The following TAC4 variants were observed in gnomAD, a reference collection of about 807,000 sequenced individuals.
TAC4 encodes the protein tachykinin precursor 4, also known as tachykinin-4.
Under a neutral mutation model 17.7 loss-of-function variants are expected in TAC4, and 17 were observed. That is an observed-to-expected ratio of 0.96 (90% confidence interval 0.66 to 1.44). The LOEUF (loss-of-function observed/expected upper bound fraction) is 1.44, where lower values mean the gene tolerates loss of function less well. Among genes scored for constraint, TAC4 ranks in the 40% most tolerant of loss-of-function variants. The probability of loss-of-function intolerance (pLI) is 0.00; values close to 1 mark genes in which losing one functional copy is unlikely to be tolerated. For missense variants in TAC4, 118 were observed against 125.6 expected, an observed-to-expected ratio of 0.94 and a Z score of 0.29; for synonymous variants, 62 against 52.4, an observed-to-expected ratio of 1.18 and a Z score of -0.79.
At chr17:49,847,006 C>T in intron 1 of TAC4, 1 of 1,290,148 alleles carries the variant, frequency 7.8e-7, no homozygotes, top group Non-Finnish European at 1.0e-6. Context: ...CTCCTCACTG[C>T]ACACACTTCC....
intron 1 of TAC4, chr17:49,847,698 C>CACACACACACACACAG: frequency 2.4e-6 from 1 of 419,110 alleles, no homozygotes; most frequent in Non-Finnish European, 4.0e-6. Flanking sequence ...CACAGACACA[C>CACACACACACACACAG]ACACACACAC....
intron 1 of TAC4, among the ~76,000 whole-genome samples, chr17:49,844,995 A>G (rs1218481532): frequency 6.6e-6 from 1 of 152,246 alleles, no homozygotes; most frequent in Non-Finnish European, 1.5e-5. Flanking sequence ...AGGCTGAGCC[A>G]AGATTCAAAG....
chr17:49,846,990 T>A (rs1000778850), intron 1 of TAC4: 2 of 1,289,902 alleles, frequency 1.6e-6, no homozygotes, highest in African/African-American at 1.5e-5. Context: ...CTAGCCCTGC[T>A]GCCCTCTCCT....
chr17:49,847,281 T>C lies in TAC4; in HGVS notation c.105+632A>G, dbSNP rs770531887. Reference sequence around the variant, plus strand: ...GGCTTGTTGGTATCTGTCCCTTGTCTGATTAGGGAACGCCTGAGGTCAGGA... The same window carrying C: ...GGCTTGTTGGTATCTGTCCCTTGTCCGATTAGGGAACGCCTGAGGTCAGGA... On this transcript the variant is annotated intron_variant, in intron 1 of 4. Coordinates refer to ENST00000436235, the MANE Select transcript of TAC4 (RefSeq NM_001077506.2). 7.8e-6 allele frequency: 10 copies of C among 1,278,328 alleles called. No individual in the cohort carries two copies. The South Asian group carries it at 8.7e-5, about 11-fold the overall frequency. The allele number at this position is 1,278,328 out of a possible 1,614,324, so 79.2% of individuals were successfully genotyped here. A position where few individuals can be genotyped will look rare whatever the true frequency, so the allele number is the denominator to read the frequency against.
intron 1 of TAC4, chr17:49,847,569 CATG>C: frequency 2.8e-6 from 1 of 351,660 alleles, no homozygotes; most frequent in Admixed American, 4.0e-5. Context: ...GAGGGGTAGT[CATG>C]ATACCTTCCC....
chr17:49,847,503 C>T, intron 1 of TAC4: 1 of 351,946 alleles, frequency 2.8e-6, no homozygotes, highest in South Asian at 2.3e-5. Flanking sequence ...TGAAGCTGTG[C>T]AACCTTGGAC....
chr17:49,844,217 C>T (rs2074519944), intron 1 of TAC4, 60 bp from the exon 2 acceptor site: 11 of 1,536,002 alleles, frequency 7.2e-6, no homozygotes, highest in Admixed American at 3.3e-5. Context: ...GGGAGGCCAG[C>T]CTGGGCAATG....
At chr17:49,846,211 A>T in intron 1 of TAC4, 2 of 1,288,590 alleles carry the variant, frequency 1.6e-6, no homozygotes, top group Non-Finnish European at 2.0e-6. Flanking sequence ...AGGGATGACT[A>T]CAGGTTGGGG....
chr17:49,845,912 T>C (rs2144052436), intron 1 of TAC4: 1 of 202,458 alleles, frequency 4.9e-6, no homozygotes, highest in African/African-American at 2.4e-5. Context: ...GCATCTATCT[T>C]GAGCTGGAGT....
chr17:49,839,798 G>A (rs2074483112), intron 4 of TAC4, 52 bp downstream of exon 4: 1 of 1,554,592 alleles, frequency 6.4e-7, no homozygotes, highest in African/African-American at 1.4e-5. Flanking sequence ...GCAGCAAAGT[G>A]TCTGGCCATT....
Position 49,847,019 on chromosome 17 carries a change from G to A in TAC4, c.105+894C>T, listed in dbSNP as rs1017575141. The A allele has an allele frequency of 4.7e-6, 6 of 1,289,978 alleles. No homozygotes were observed. The African/African-American group carries it at 7.6e-5, about 16-fold the overall frequency. The allele number at this position is 1,289,978 out of a possible 1,614,324, so 79.9% of individuals were successfully genotyped here. On this transcript the variant is annotated intron_variant, in intron 1 of 4. Coordinates refer to ENST00000436235, the MANE Select transcript of TAC4 (RefSeq NM_001077506.2). ...CTCTCCTCACTGCACACACTTCCAG[G>A]TTCAGACAAACCGGAAAGGAAACCC...
At chr17:49,840,223 C>G (rs1407324269) in intron 3 of TAC4, among the ~76,000 whole-genome samples, 2 of 152,192 alleles carry the variant, frequency 1.3e-5, no homozygotes, top group Non-Finnish European at 2.9e-5. Flanking sequence ...GACAGCAGAC[C>G]TGATGCCTGC....
intron 1 of TAC4, chr17:49,847,510 G>A: frequency 8.6e-6 from 3 of 348,628 alleles, no homozygotes; most frequent in Non-Finnish European, 1.7e-5. Flanking sequence ...GTGCAACCTT[G>A]GACAAACTAC....
At chr17:49,847,742 G>T in intron 1 of TAC4, 171 bp downstream of exon 1, 4 of 1,028,702 alleles carry the variant, frequency 3.9e-6, no homozygotes, top group Non-Finnish European at 4.3e-6. Flanking sequence ...AGGTCTGCCA[G>T]GCCAGGGCTC....
rs773389044 is a variant in TAC4 at position 49,848,051 on chromosome 17, C to G, written c.-34G>C. 3 of 1,610,822 alleles carry G rather than the reference C, an allele frequency of 1.9e-6. No individual in the cohort carries two copies. The East Asian group carries it at 6.7e-5, about 36-fold the overall frequency. ...TGCACTGTCCTGGAATCTCTGGGAG[C>G]CCCTCTCAGCTTGAAGATGCCTCCT... On this transcript the variant is annotated 5_prime_UTR_variant, in exon 1 of 5. Transcript: ENST00000436235.
intron 3 of TAC4, among the ~76,000 whole-genome samples, chr17:49,840,312 C>G (rs541655696): frequency 6.6e-6 from 1 of 152,280 alleles, no homozygotes; most frequent in South Asian, 2.1e-4. Context: ...GTGCCAGGAA[C>G]AGGGTCGCAC....
chr17:49,845,348 C>T (rs968934841), intron 1 of TAC4, among the ~76,000 whole-genome samples: 1 of 152,246 alleles, frequency 6.6e-6, no homozygotes, highest in African/African-American at 2.4e-5. Context: ...TTGGCCAAAG[C>T]CTTCTCCCTC....
intron 3 of TAC4, 112 bp from the exon 4 acceptor site, chr17:49,840,021 G>T: frequency 1.1e-6 from 1 of 942,264 alleles, no homozygotes; most frequent in Admixed American, 2.4e-5. Context: ...GCCAGGGCTG[G>T]GGCCTTGCAA....
chr17:49,847,684 C>CACAG (rs1227565761), intron 1 of TAC4: 73 of 507,936 alleles, frequency 1.4e-4, no homozygotes, highest in Non-Finnish European at 1.9e-4. Flanking sequence ...CACACACACA[C>CACAG]ACACACAGAC....
Sources: gnomAD v4.1 joint callset for allele counts (sites outside exome capture counted in the v4.1 genomes callset) on GRCh38, gnomAD v4.1.1 for gene constraint, MANE v1.5 for transcripts, NCBI Gene and HGNC (gene_info 2026-07-23, HGNC 2026-07-21) for gene names.